The following MAGI2 variants were observed in gnomAD, a reference collection of about 807,000 sequenced individuals.
The protein encoded by MAGI2 is membrane-associated guanylate kinase, WW and PDZ domain-containing protein 2.
A neutral mutation model predicts 133.3 loss-of-function variants in MAGI2; 35 were observed. The ratio of observed to expected loss-of-function variants is 0.26; its 90% CI spans 0.20 to 0.35. The LOEUF (loss-of-function observed/expected upper bound fraction) is 0.35. MAGI2 is among the 10% of genes least tolerant of loss of function. MAGI2 has a pLI of 1.00. For synonymous variants in MAGI2, 729 were observed against 710.6 expected (o/e 1.03, Z -0.41); for missense variants, 1,636 against 1,863.4 (o/e 0.88, Z 2.25).
chr7:79,234,255 A>G (rs1298041174), intron 1 of MAGI2, among the ~76,000 whole-genome samples: 1 of 144,762 alleles, frequency 6.9e-6, no homozygotes, highest in Non-Finnish European at 1.5e-5. Context: ...ACTTTGGTGA[A>G]TCTGACAATT....
At chr7:78,439,745 G>A (rs113017715) in intron 6 of MAGI2, among the ~76,000 whole-genome samples, 2 of 152,028 alleles carry the variant, frequency 1.3e-5, no homozygotes, top group Non-Finnish European at 2.9e-5. Flanking sequence ...ATTTTCACCC[G>A]AATTGCTTAC....
intron 1 of MAGI2, among the ~76,000 whole-genome samples, chr7:79,373,842 A>G (rs1843208883): frequency 6.6e-6 from 1 of 152,056 alleles, no homozygotes; most frequent in African/African-American, 2.4e-5. Context: ...ACTATGACCT[A>G]AAAATTCTAC....
chr7:79,088,013 T>G (rs1694423074), intron 1 of MAGI2, among the ~76,000 whole-genome samples: 1 of 152,112 alleles, frequency 6.6e-6, no homozygotes, highest in African/African-American at 2.4e-5. Flanking sequence ...AAAGTAGTTT[T>G]CTCCAGTTCT....
chr7:78,753,777 A>G (rs1033482192), intron 2 of MAGI2, among the ~76,000 whole-genome samples: 1 of 152,154 alleles, frequency 6.6e-6, no homozygotes, highest in Non-Finnish European at 1.5e-5. Context: ...AACGATAAAT[A>G]AGAGAAAACT....
chr7:79,020,552 G>A (rs1452301109), intron 1 of MAGI2, among the ~76,000 whole-genome samples: 2 of 152,074 alleles, frequency 1.3e-5, no homozygotes, highest in African/African-American at 4.8e-5. Flanking sequence ...TGATCATGAG[G>A]TCAGGAGATT....
intron 3 of MAGI2, among the ~76,000 whole-genome samples, chr7:78,542,133 A>G: frequency 6.6e-6 from 1 of 152,234 alleles, no homozygotes; most frequent in Non-Finnish European, 1.5e-5. Flanking sequence ...TGTGATTTCT[A>G]TGTGATATCA....
At chr7:78,285,536 T>C (rs184602461) in intron 9 of MAGI2, among the ~76,000 whole-genome samples, 67 of 152,246 alleles carry the variant, frequency 4.4e-4, no homozygotes, top group African/African-American at 1.6e-3. Flanking sequence ...AGGAATCCTA[T>C]GGTCATAAGA....
intron 1 of MAGI2, among the ~76,000 whole-genome samples, chr7:79,120,397 A>G (rs912920186): frequency 9.2e-5 from 14 of 152,080 alleles, no homozygotes; most frequent in African/African-American, 3.4e-4. Flanking sequence ...TGAAGTTACT[A>G]TAAGAGGGCC....
chr7:79,028,921 GATAA>G (rs1810294284), intron 1 of MAGI2, among the ~76,000 whole-genome samples: 3 of 152,018 alleles, frequency 2.0e-5, no homozygotes, highest in Non-Finnish European at 4.4e-5. Context: ...ACTGTCTTTT[GATAA>G]ATAATCAACT....
At chr7:79,179,555 T>A (rs898139128) in intron 1 of MAGI2, among the ~76,000 whole-genome samples, 2 of 151,952 alleles carry the variant, frequency 1.3e-5, no homozygotes, top group South Asian at 4.1e-4. Flanking sequence ...TAAAACAGCA[T>A]GGTATTTCTA....
At chr7:79,452,026 C>T (rs1201036985) in intron 1 of MAGI2, among the ~76,000 whole-genome samples, 1 of 152,164 alleles carries the variant, frequency 6.6e-6, no homozygotes, top group Non-Finnish European at 1.5e-5. Context: ...TCCCCAAATC[C>T]ACATCACAGC....
intron 2 of MAGI2, among the ~76,000 whole-genome samples, chr7:78,856,849 G>A (rs974552658): frequency 4.6e-5 from 7 of 152,152 alleles, no homozygotes; most frequent in Admixed American, 3.3e-4. Flanking sequence ...GGGCAGTGTG[G>A]CCATTTTCAC....
chr7:78,629,339 C>T (rs1248555606), intron 2 of MAGI2, among the ~76,000 whole-genome samples: 1 of 152,164 alleles, frequency 6.6e-6, no homozygotes, highest in Non-Finnish European at 1.5e-5. Flanking sequence ...GCTTGAAGTT[C>T]TGCTCTACAA....
At chr7:78,377,765 C>T (rs1288996224) in intron 6 of MAGI2, among the ~76,000 whole-genome samples, 1 of 151,228 alleles carries the variant, frequency 6.6e-6, no homozygotes, top group Non-Finnish European at 1.5e-5. Flanking sequence ...TCCACCAAGT[C>T]CTTTACTTTT....
At chr7:79,157,925 A>G (rs1462495555) in intron 1 of MAGI2, among the ~76,000 whole-genome samples, 5 of 105,234 alleles carry the variant, frequency 4.8e-5, no homozygotes, top group Non-Finnish European at 1.0e-4. Flanking sequence ...AGTAAATGCT[A>G]CAGAATCTTT....
intron 2 of MAGI2, among the ~76,000 whole-genome samples, chr7:78,985,287 C>T (rs1196186698): frequency 1.3e-5 from 2 of 152,002 alleles, no homozygotes; most frequent in African/African-American, 2.4e-5. Flanking sequence ...TTTATTTTTA[C>T]TTCAGTATAT....
At chr7:78,586,146 C>T (rs1318275356) in intron 3 of MAGI2, among the ~76,000 whole-genome samples, 1 of 152,194 alleles carries the variant, frequency 6.6e-6, no homozygotes, top group African/African-American at 2.4e-5. Context: ...TGCTCTACAG[C>T]TGAGAGATTG....
intron 2 of MAGI2, among the ~76,000 whole-genome samples, chr7:78,713,042 T>C (rs1679947955): frequency 1.3e-5 from 2 of 152,130 alleles, no homozygotes; most frequent in East Asian, 1.9e-4. Context: ...AGAATTGAAA[T>C]GAAAACCAAA....
In MAGI2 at chr7:78,125,853, G is replaced by GA; in HGVS notation, c.3424-17dup. 6.2e-7 allele frequency: 1 copy of GA among 1,612,442 alleles called. No individual in the cohort carries two copies. Among genetic ancestry groups the GA allele is most frequent in the South Asian group, 1.1e-5 (1 of 90,832 alleles). ...AATCAAAATCCTTTGGGGTTGGGGA[G>GA]AAAATGGAATAAATAATTATTTAGT... On this transcript the variant is annotated splice_polypyrimidine_tract_variant and intron_variant, in intron 19 of 21. Coordinates refer to ENST00000354212, the MANE Select transcript of MAGI2 (RefSeq NM_012301.4).
Sources: gnomAD v4.1 joint callset for allele counts (sites outside exome capture counted in the v4.1 genomes callset) on GRCh38, gnomAD v4.1.1 for gene constraint, MANE v1.5 for transcripts, NCBI Gene and HGNC (gene_info 2026-07-23, HGNC 2026-07-21) for gene names.